MVB12B: variants seen among roughly 807,000 people sequenced by gnomAD.
MVB12B encodes the protein ESCRT-I complex subunit MVB12B.
In MVB12B, 16 loss-of-function variants were observed where a neutral mutation model predicts 41.6. The ratio of observed to expected loss-of-function variants is 0.38; its 90% CI spans 0.26 to 0.58. MVB12B has a LOEUF of 0.58. Among genes scored for constraint, MVB12B ranks in the 20% least tolerant of loss-of-function variants. The probability of loss-of-function intolerance (pLI) is 0.62; values close to 1 mark genes in which losing one functional copy is unlikely to be tolerated. For synonymous variants in MVB12B, 133 were observed against 139.7 expected, an observed-to-expected ratio of 0.95 and a Z score of 0.34; for missense variants, 274 against 380.2, an observed-to-expected ratio of 0.72 and a Z score of 2.32.
intron 9 of MVB12B, among the ~76,000 whole-genome samples, chr9:126,492,137 C>T (rs1833744988): frequency 6.8e-6 from 1 of 148,138 alleles, no homozygotes; most frequent in South Asian, 2.2e-4. Flanking sequence ...CACACACACA[C>T]GCTCAGCAGG....
intron 7 of MVB12B, among the ~76,000 whole-genome samples, chr9:126,423,339 CCA>C (rs1832079752): frequency 6.6e-6 from 1 of 152,214 alleles, no homozygotes; most frequent in African/African-American, 2.4e-5. Context: ...CAGGAAAGAG[CCA>C]CAGAGTGAAA....
intron 7 of MVB12B, among the ~76,000 whole-genome samples, chr9:126,431,736 G>C (rs1389942451): frequency 6.6e-6 from 1 of 152,136 alleles, no homozygotes; most frequent in South Asian, 2.1e-4. Flanking sequence ...GATGAAGCAG[G>C]GTGGGAGCCC....
chr9:126,472,143 C>T (rs1833327360), intron 7 of MVB12B, among the ~76,000 whole-genome samples: 1 of 152,120 alleles, frequency 6.6e-6, no homozygotes, highest in African/African-American at 2.4e-5. Context: ...TATTCCGGGG[C>T]AATGGGTGGT....
intron 7 of MVB12B, among the ~76,000 whole-genome samples, chr9:126,428,604 T>C (rs1325600708): frequency 6.6e-6 from 1 of 152,092 alleles, no homozygotes; most frequent in Admixed American, 6.5e-5. Context: ...ACTCAAACAA[T>C]GGGGTGCTTG....
rs1834018557 is a variant in MVB12B, at chr9:126,504,094, C to A, written c.*831C>A. The A allele has an allele frequency of 6.6e-6, 1 of 152,456 alleles. No homozygotes were observed. The highest frequency in any genetic ancestry group is 1.5e-5 in the Non-Finnish European group (1 of 68,226). The allele number at this position is 152,456 out of a possible 1,614,324, so 9.4% of individuals were successfully genotyped here. A position where few individuals can be genotyped will look rare whatever the true frequency, so the allele number is the denominator to read the frequency against. ...GACCCGGGGACCACAGGGACACCCT[C>A]TGAGACGTGCTGGCCCCAGGAGGAT... is the stretch of plus-strand genomic sequence containing the variant. On this transcript the variant is annotated 3_prime_UTR_variant, in exon 10 of 10. Coordinates refer to ENST00000361171, the MANE Select transcript of MVB12B (RefSeq NM_033446.3).
intron 6 of MVB12B, among the ~76,000 whole-genome samples, chr9:126,418,605 C>T (rs1831896901): frequency 6.6e-6 from 1 of 152,160 alleles, no homozygotes; most frequent in Non-Finnish European, 1.5e-5. Flanking sequence ...TGGCACATTT[C>T]TGCTTAAAAA....
chr9:126,415,959 A>G (rs775563279), intron 6 of MVB12B, among the ~76,000 whole-genome samples: 2 of 152,186 alleles, frequency 1.3e-5, no homozygotes, highest in African/African-American at 2.4e-5. Context: ...CAAAGGCCCT[A>G]AGGCAGGAAC....
chr9:126,337,905 G>A (rs1181309731), intron 1 of MVB12B, among the ~76,000 whole-genome samples: 1 of 152,228 alleles, frequency 6.6e-6, no homozygotes, highest in African/African-American at 2.4e-5. Flanking sequence ...GCGCGGCCTG[G>A]GAAATGTGGA....
intron 6 of MVB12B, among the ~76,000 whole-genome samples, chr9:126,413,416 G>A (rs552739952): frequency 2.0e-5 from 3 of 152,110 alleles, no homozygotes; most frequent in Non-Finnish European, 2.9e-5. Flanking sequence ...ACAGGTACAC[G>A]CTGTAAACAA....
intron 9 of MVB12B, among the ~76,000 whole-genome samples, chr9:126,489,633 A>G (rs1307919859): frequency 6.6e-6 from 1 of 152,224 alleles, no homozygotes; most frequent in East Asian, 1.9e-4. Context: ...GCCGTGATTC[A>G]TAGAGAAATT....
chr9:126,352,114 ATTT>A (rs1829767194), intron 2 of MVB12B, among the ~76,000 whole-genome samples: 1 of 151,806 alleles, frequency 6.6e-6, no homozygotes, highest in Non-Finnish European at 1.5e-5. Context: ...ATTGTTAAGA[ATTT>A]TTTTTGGCTG....
At position 126,503,462 on chromosome 9, in the gene MVB12B, C is replaced by T. The variant is rs931244572; in HGVS notation, c.*199C>T. 10 of 598,556 alleles carry T rather than the reference C, an allele frequency of 1.7e-5. No homozygotes were observed. Among genetic ancestry groups the T allele is most frequent in the South Asian group, 2.0e-5 (1 of 49,986 alleles). 37.1% of individuals were successfully genotyped at this position (598,556 alleles called of 1,614,324 possible). ...ACTGACACCCCGGCCTCCCTGGGGACATTGTTCATAACCATGACTAATCTG... is the reference window on the plus strand; with the variant it reads ...ACTGACACCCCGGCCTCCCTGGGGATATTGTTCATAACCATGACTAATCTG... On this transcript the variant is annotated 3_prime_UTR_variant, in exon 10 of 10. Coordinates refer to ENST00000361171, the MANE Select transcript of MVB12B (RefSeq NM_033446.3).
intron 3 of MVB12B, among the ~76,000 whole-genome samples, chr9:126,385,329 A>C (rs190065828): frequency 6.6e-6 from 1 of 152,366 alleles, no homozygotes; most frequent in Non-Finnish European, 1.5e-5. Flanking sequence ...TTAAACAAAT[A>C]ACCCCATAAA....
At chr9:126,341,042 T>C (rs1829431488) in intron 2 of MVB12B, among the ~76,000 whole-genome samples, 1 of 152,250 alleles carries the variant, frequency 6.6e-6, no homozygotes, top group African/African-American at 2.4e-5. Context: ...ACCCATGAAC[T>C]CATTTAGCTC....
chr9:126,346,321 G>C (rs113738075), intron 2 of MVB12B, among the ~76,000 whole-genome samples: 3 of 152,118 alleles, frequency 2.0e-5, no homozygotes, highest in African/African-American at 7.2e-5. Context: ...AGCGTGGGAC[G>C]TGGGAACCCA....
At chr9:126,363,688 T>TA (rs1211137264) in intron 2 of MVB12B, among the ~76,000 whole-genome samples, 1 of 152,236 alleles carries the variant, frequency 6.6e-6, no homozygotes, top group Non-Finnish European at 1.5e-5. Context: ...AGTGTTTATG[T>TA]AATGAATGGA....
chr9:126,359,576 T>A (rs1829975178), intron 2 of MVB12B, among the ~76,000 whole-genome samples: 2 of 152,216 alleles, frequency 1.3e-5, no homozygotes, highest in African/African-American at 4.8e-5. Context: ...TTTAAATAGA[T>A]GTAGTGTCAT....
intron 7 of MVB12B, among the ~76,000 whole-genome samples, chr9:126,428,620 C>T (rs1331790340): frequency 2.6e-5 from 4 of 152,168 alleles, no homozygotes; most frequent in African/African-American, 9.7e-5. Context: ...GCTTGAGAAG[C>T]GCTGTTCTCT....
intron 2 of MVB12B, among the ~76,000 whole-genome samples, chr9:126,380,660 T>C (rs1830608257): frequency 1.3e-5 from 2 of 152,164 alleles, no homozygotes; most frequent in Non-Finnish European, 2.9e-5. Flanking sequence ...TGTGTCACCC[T>C]CGCCGCAGGC....
Sources: allele counts gnomAD v4.1 joint callset (sites outside exome capture counted in the v4.1 genomes callset), GRCh38; gene constraint gnomAD v4.1.1; transcripts MANE v1.5; gene names NCBI Gene and HGNC (gene_info 2026-07-23, HGNC 2026-07-21).